Variants in ATP8B3 observed in about 807,000 individuals in gnomAD.
The protein encoded by ATP8B3 is ATPase phospholipid transporting 8B3.
Under a neutral mutation model 140.9 loss-of-function variants are expected in ATP8B3, and 141 were observed. The observed-to-expected ratio is 1.00, with a 90% CI of 0.87 to 1.15. The LOEUF (loss-of-function observed/expected upper bound fraction) is 1.15. Among genes scored for constraint, ATP8B3 ranks in the 50% most tolerant of loss-of-function variants. ATP8B3 has a pLI of 0.00. For synonymous variants in ATP8B3, 765 were observed against 714.6 expected (o/e 1.07, Z -1.13); for missense variants, 1,874 against 1,740.6 (o/e 1.08, Z -1.36).
chr19:1,805,276 G>T lies in ATP8B3; in HGVS notation c.904+98C>A, dbSNP rs1469009707. On this transcript the variant is annotated intron_variant, in intron 10 of 28. Coordinates refer to ENST00000310127, the MANE Select transcript of ATP8B3 (RefSeq NM_138813.4). The surrounding 1 kb of genome is among the most constrained non-coding windows in gnomAD (Gnocchi z 5.2). Reference sequence around the variant, plus strand: ...AGGTGTGAGCCACTGGGCCTGGCCAGCACCTTGTTTTAAAAACAGTAATAA... The same window carrying T: ...AGGTGTGAGCCACTGGGCCTGGCCATCACCTTGTTTTAAAAACAGTAATAA... 1 of 1,237,822 alleles carries T rather than the reference G, an allele frequency of 8.1e-7. No individual in the cohort carries two copies. Among genetic ancestry groups the T allele is most frequent in the Non-Finnish European group, 1.2e-6 (1 of 865,798 alleles). The allele number at this position is 1,237,822 out of a possible 1,614,324, so 76.7% of individuals were successfully genotyped here. A position where few individuals can be genotyped will look rare whatever the true frequency, so the allele number is the denominator to read the frequency against.
intron 14 of ATP8B3, chr19:1,799,573 A>C: frequency 2.3e-6 from 1 of 433,480 alleles, no homozygotes; most frequent in Non-Finnish European, 4.0e-6. Flanking sequence ...CGAGACCAGC[A>C]TGGCCAACAT....
chr19:1,785,255 T>A lies in ATP8B3; in HGVS notation c.3436A>T (p.Thr1146Ser), dbSNP rs769040419. 1.9e-6 allele frequency: 3 copies of A among 1,609,692 alleles called. No homozygotes were observed. The highest frequency in any genetic ancestry group is 2.5e-6 in the Non-Finnish European group (3 of 1,178,090). Residue 1146 changes from threonine (T) to serine (S), a missense_variant, in exon 27 of 29, where the codon ACC becomes TCC. Physicochemically the swap from Thr to Ser is moderately conservative, Grantham distance 58. Transcript: ENST00000310127. ...IKYWTALCVA[T>S]ILLSLGFYAI... ...TAGAAACCAAGGCTGAGGAGGATGGTCGCCACGCACAGGGCGGTCCAGTAC... is the reference window on the plus strand; with the variant it reads ...TAGAAACCAAGGCTGAGGAGGATGGACGCCACGCACAGGGCGGTCCAGTAC...
In ATP8B3 at chr19:1,784,935, T is replaced by G. The variant is rs763041235; in HGVS notation, c.3544A>C (p.Ser1182Arg). 26 of 1,610,546 alleles carry G rather than the reference T, an allele frequency of 1.6e-5. No individual in the cohort carries two copies. The East Asian group carries it at 5.6e-4, about 34-fold the overall frequency. The change falls in exon 28 of 29, where the codon AGC becomes CGC. Residue 1182 changes from serine (S) to arginine (R), a missense_variant. This residue lies in a region of ATP8B3 where 840 missense variants were observed against 760.9 expected (regional missense o/e 1.10). Transcript: ENST00000310127. ...TTFPFLYADL[S>R]VMSSPSILLV... ...AGGATGGAGGGAGAGGACATCACGC[T>G]GAGGTCGGCATCTGGGGACAGGGCG...
chr19:1,809,608 C>T (rs2069129370), intron 4 of ATP8B3, 35 bp downstream of exon 4: 4 of 1,560,490 alleles, frequency 2.6e-6, no homozygotes. Context: ...ACGGCAGCTC[C>T]TCTGGAGCAG....
intron 20 of ATP8B3, among the ~76,000 whole-genome samples, chr19:1,791,082 G>A (rs2068495310): frequency 6.6e-6 from 1 of 152,230 alleles, no homozygotes; most frequent in African/African-American, 2.4e-5. Context: ...AGGATCAGCA[G>A]GCACATGTGC....
chr19:1,797,278 G>A (rs992244712), intron 14 of ATP8B3, among the ~76,000 whole-genome samples: 14 of 149,488 alleles, frequency 9.4e-5, no homozygotes, highest in East Asian at 6.0e-4. Context: ...GCCCCGTCCC[G>A]TCTCCCAGGG....
intron 22 of ATP8B3, 73 bp downstream of exon 22, chr19:1,789,817 A>C (rs1239337857): frequency 6.3e-7 from 1 of 1,579,624 alleles, no homozygotes; most frequent in South Asian, 1.1e-5. Flanking sequence ...AGCAGTCCCC[A>C]CCCCGAGCCC....
intron 11 of ATP8B3, 68 bp from the exon 12 acceptor site, chr19:1,802,112 C>T: frequency 1.8e-6 from 2 of 1,092,894 alleles, no homozygotes; most frequent in Non-Finnish European, 2.5e-6. Flanking sequence ...CCATCACTCA[C>T]CCATCCACCC....
In ATP8B3 at chr19:1,800,560, C is replaced by T; in HGVS notation, c.1153-111G>A. The T allele has an allele frequency of 1.0e-6, 1 of 990,744 alleles. No homozygotes were observed. The highest frequency in any genetic ancestry group is 2.4e-5 in the East Asian group (1 of 41,146). 61.4% of individuals were successfully genotyped at this position (990,744 alleles called of 1,614,324 possible). A position where few individuals can be genotyped will look rare whatever the true frequency, so the allele number is the denominator to read the frequency against. On this transcript the variant is annotated intron_variant, in intron 12 of 28. Transcript: ENST00000310127. This position sits in a 1 kb window ranked among gnomAD's most constrained non-coding sequence, Gnocchi z 4.4. The stretch of plus-strand genomic sequence containing the variant: ...TGGGGCTGGGCACAGTGGCTCATGC[C>T]TGTAATCTCAGCACTTCAGGAGGCT...
Position 1,800,054 on chromosome 19 carries a change from A to T in ATP8B3, c.1445T>A (p.Leu482His). 6 of 1,596,944 alleles carry T rather than the reference A, an allele frequency of 3.8e-6. No homozygotes were observed. The highest frequency in any genetic ancestry group is 1.7e-5 in the Admixed American group (1 of 57,588). Reference protein sequence around the residue: ...DVPAKARSTSLNDHLGQVEYI... With the variant: ...DVPAKARSTSHNDHLGQVEYI... ...TTCCACCTGGCCCAGGTGGTCGTTG[A>T]GGCTGGTGCTGCGGGCCTTGGCAGG... Residue 482 changes from leucine (L) to histidine (H), a missense_variant, in exon 14 of 29, where the codon CTC becomes CAC. Leu to His is a moderately conservative substitution (Grantham distance 99). This residue lies in a region of ATP8B3 where 1,032 missense variants were observed against 963.6 expected (regional missense o/e 1.07). Transcript: ENST00000310127. This position sits in a 1 kb window ranked among gnomAD's most constrained non-coding sequence, Gnocchi z 4.4.
Position 1,805,496 on chromosome 19 carries a change from T to C in ATP8B3, c.822-40A>G, listed in dbSNP as rs746485975. The C allele has an allele frequency of 1.7e-5, 25 of 1,502,198 alleles. No homozygotes were observed. The South Asian group carries it at 2.5e-4, about 15-fold the overall frequency. The allele number at this position is 1,502,198 out of a possible 1,614,324, so 93.1% of individuals were successfully genotyped here. ...AGGAGGGAGGTGAAAGTGGAGTTGA[T>C]GGATGCTTCGAGGAGCCCCCAGACC... On this transcript the variant is annotated intron_variant, in intron 9 of 28. Coordinates refer to ENST00000310127, the MANE Select transcript of ATP8B3 (RefSeq NM_138813.4). This position sits in a 1 kb window ranked among gnomAD's most constrained non-coding sequence, Gnocchi z 5.2.
At chr19:1,793,008 CTT>C (rs1299706385) in intron 18 of ATP8B3, among the ~76,000 whole-genome samples, 2 of 151,792 alleles carry the variant, frequency 1.3e-5, no homozygotes, top group Non-Finnish European at 2.9e-5. Flanking sequence ...CCTCAGCTCT[CTT>C]TTGCCTCCAG....
chr19:1,799,576 G>A, intron 14 of ATP8B3: 1 of 446,070 alleles, frequency 2.2e-6, no homozygotes, highest in Admixed American at 4.1e-5. Flanking sequence ...GACCAGCATG[G>A]CCAACATGGT....
intron 14 of ATP8B3, chr19:1,799,061 T>G (rs1481764189): frequency 6.6e-6 from 1 of 151,842 alleles, no homozygotes; most frequent in African/African-American, 2.4e-5. Flanking sequence ...GAGGATTGCT[T>G]GAGCCCAGGA....
intron 4 of ATP8B3, among the ~76,000 whole-genome samples, 187 bp downstream of exon 4, chr19:1,809,456 G>A (rs557791275): frequency 4.3e-4 from 65 of 151,936 alleles, no homozygotes; most frequent in Admixed American, 4.6e-4. Context: ...ACTCCAGCCT[G>A]GGCAACAGAG....
intron 20 of ATP8B3, among the ~76,000 whole-genome samples, chr19:1,791,165 A>C (rs1468760932): frequency 6.6e-6 from 1 of 152,154 alleles, no homozygotes; most frequent in Non-Finnish European, 1.5e-5. Flanking sequence ...GAAATAATTG[A>C]ATATGTTTCC....
Position 1,787,196 on chromosome 19 carries a change from G to T in ATP8B3, c.3070-10C>A, listed in dbSNP as rs754819612. ...ATCCTTCATACAGGGGCTGAGCCGG[G>T]GGAGAAGGGCAAGGAGAACAAGTCA... On this transcript the variant is annotated splice_polypyrimidine_tract_variant and intron_variant, in intron 24 of 28. Transcript: ENST00000310127. 1 of 1,602,970 alleles carries T rather than the reference G, an allele frequency of 6.2e-7. No individual in the cohort carries two copies. The highest frequency in any genetic ancestry group is 2.2e-5 in the East Asian group (1 of 44,592).
intron 3 of ATP8B3, 91 bp downstream of exon 3, chr19:1,810,531 C>A: frequency 7.6e-7 from 1 of 1,314,502 alleles, no homozygotes. Context: ...CCCAAAGTGC[C>A]GGGATTACAG....
intron 4 of ATP8B3, 99 bp downstream of exon 4, chr19:1,809,544 T>A: frequency 4.1e-6 from 4 of 967,838 alleles, no homozygotes; most frequent in Non-Finnish European, 6.2e-6. Flanking sequence ...ATCGAGCAAA[T>A]ACAAGCAGAG....
Sources: gnomAD v4.1 joint callset for allele counts (sites outside exome capture counted in the v4.1 genomes callset) on GRCh38, gnomAD v4.1.1 for gene constraint, gnomAD v4.1.1 regional missense constraint, Gnocchi (gnomAD v3.1) non-coding constraint, MANE v1.5 for transcripts, NCBI Gene and HGNC (gene_info 2026-07-23, HGNC 2026-07-21) for gene names.